The following UBE3D variants were observed in gnomAD, a reference collection of about 807,000 sequenced individuals.
UBE3D encodes the protein ubiquitin protein ligase E3D, also known as E3 ubiquitin-protein ligase E3D.
A neutral mutation model predicts 49.6 loss-of-function variants in UBE3D; 48 were observed. The observed-to-expected ratio is 0.97, with a 90% CI of 0.77 to 1.23. The LOEUF (loss-of-function observed/expected upper bound fraction) is 1.23, where lower values mean the gene tolerates loss of function less well. Among genes scored for constraint, UBE3D ranks in the 50% most tolerant of loss-of-function variants. UBE3D has a pLI of 0.00. For synonymous variants in UBE3D, 189 were observed against 174.2 expected (o/e 1.08, Z -0.67); for missense variants, 452 against 468.4 (o/e 0.96, Z 0.32).
rs545974427 is a variant in UBE3D, at chr6:82,894,737, T to C, written c.1150-1695A>G. ...GAGAGGCCAGTAGAGCCTGTTATAA[T>C]AGACAGAGGAAGGAAGACCAGAAGT... On this transcript the variant is annotated intron_variant, in intron 9 of 9. Coordinates refer to ENST00000369747, the MANE Select transcript of UBE3D (RefSeq NM_198920.3). 2.6e-5 allele frequency among the ~76,000 whole-genome samples: 4 copies of C among 152,210 alleles called. No homozygotes were observed. The South Asian group carries it at 8.3e-4, about 32-fold the overall frequency.
At chr6:83,046,097 C>G (rs1582736816) in intron 3 of UBE3D, among the ~76,000 whole-genome samples, 1 of 152,188 alleles carries the variant, frequency 6.6e-6, no homozygotes, top group Non-Finnish European at 1.5e-5. Flanking sequence ...CATATCAACA[C>G]AACTTAGTGA....
intron 9 of UBE3D, among the ~76,000 whole-genome samples, chr6:82,895,046 A>G (rs1771212208): frequency 6.6e-6 from 1 of 152,172 alleles, no homozygotes; most frequent in Non-Finnish European, 1.5e-5. Flanking sequence ...AGTGGCTCAC[A>G]GTGGCCTGTA....
At position 82,946,011 on chromosome 6, in the gene UBE3D, GA is replaced by G. The variant is rs561538308; in HGVS notation, c.1149+11300del. Among the ~76,000 whole-genome samples, 437 of 152,198 alleles carry G rather than the reference GA, an allele frequency of 2.9e-3. 4 individuals are homozygous for G. Among genetic ancestry groups the G allele is most frequent in the African/African-American group, 9.3e-3 (388 of 41,540 alleles). On this transcript the variant is annotated intron_variant, in intron 9 of 9. Coordinates refer to ENST00000369747, the MANE Select transcript of UBE3D (RefSeq NM_198920.3). The stretch of plus-strand genomic sequence containing the variant: ...GAATGAAGCATACATACAAGATCTA[GA>G]AAATAGCCTTCAAGGGGCAAATTTA...
chr6:82,890,078 A>G (rs1770953505), downstream of UBE3D, among the ~76,000 whole-genome samples: 1 of 152,090 alleles, frequency 6.6e-6, no homozygotes, highest in East Asian at 1.9e-4. Flanking sequence ...TACTGAATAG[A>G]TTGTGGAATT....
chr6:82,942,689 G>A lies in UBE3D; in HGVS notation c.1149+14623C>T, dbSNP rs376382054. Among the ~76,000 whole-genome samples the A allele has an allele frequency of 2.0e-5, 3 of 152,250 alleles. No individual in the cohort carries two copies. In the East Asian group the frequency reaches 5.8e-4, roughly 29 times the overall value. Reference sequence around the variant, plus strand: ...CTTACATGTGGTATTGGCCCTGTGAGTGCACAGTTGTCAAGAATTGAAGTT... The same window carrying A: ...CTTACATGTGGTATTGGCCCTGTGAATGCACAGTTGTCAAGAATTGAAGTT... On this transcript the variant is annotated intron_variant, in intron 9 of 9. Coordinates refer to ENST00000369747, the MANE Select transcript of UBE3D (RefSeq NM_198920.3).
At chr6:82,891,804 T>C (rs1405371931), downstream of UBE3D, among the ~76,000 whole-genome samples, 1 of 152,140 alleles carries the variant, frequency 6.6e-6, no homozygotes. Flanking sequence ...GGTGGGTGGA[T>C]CACCTGAGAT....
At chr6:83,027,892 T>C (rs1781594274) in intron 5 of UBE3D, among the ~76,000 whole-genome samples, 1 of 152,202 alleles carries the variant, frequency 6.6e-6, no homozygotes, top group South Asian at 2.1e-4. Flanking sequence ...GGAAGTCTGA[T>C]TAAACATACA....
At chr6:82,976,202 C>T (rs867411880) in intron 8 of UBE3D, among the ~76,000 whole-genome samples, 126 of 152,276 alleles carry the variant, frequency 8.3e-4, no homozygotes, top group Middle Eastern at 3.4e-3. Flanking sequence ...CTCAACCTAA[C>T]ATCCATTCAT....
intron 5 of UBE3D, among the ~76,000 whole-genome samples, chr6:83,025,620 C>T (rs1004852381): frequency 2.6e-4 from 40 of 152,048 alleles, no homozygotes; most frequent in African/African-American, 9.2e-4. Context: ...CAGTGACTCA[C>T]GCCTGTAATC....
At chr6:83,044,325 T>A in intron 4 of UBE3D, 103 bp downstream of exon 4, 1 of 1,128,512 alleles carries the variant, frequency 8.9e-7, no homozygotes, top group Non-Finnish European at 1.3e-6. Flanking sequence ...AATTTTGGCC[T>A]TTACAGCAGT....
chr6:82,881,629 G>C, the UBE3D span, among the ~76,000 whole-genome samples: 1 of 152,150 alleles, frequency 6.6e-6, no homozygotes, highest in Non-Finnish European at 1.5e-5. Flanking sequence ...ACAGTTTCCA[G>C]AGTATCTATC....
chr6:82,901,308 G>A (rs148150503), intron 9 of UBE3D, among the ~76,000 whole-genome samples: 1,570 of 152,172 alleles, frequency 0.01, 23 homozygotes, highest in African/African-American at 0.036. Flanking sequence ...CACCAGAGAG[G>A]AGCAGGGCTT....
chr6:82,994,499 A>G (rs770934527), intron 8 of UBE3D, among the ~76,000 whole-genome samples: 2 of 152,164 alleles, frequency 1.3e-5, no homozygotes, highest in African/African-American at 2.4e-5. Context: ...TTTAATACTA[A>G]TCCAAGGAGA....
chr6:82,982,802 C>T (rs551295706), intron 8 of UBE3D, among the ~76,000 whole-genome samples: 1 of 152,246 alleles, frequency 6.6e-6, no homozygotes, highest in East Asian at 1.9e-4. Context: ...CAATTCTACG[C>T]TGTTTTCATT....
At chr6:82,968,276 G>GCATTCTCCC (rs1479416962) in intron 8 of UBE3D, among the ~76,000 whole-genome samples, 2 of 151,902 alleles carry the variant, frequency 1.3e-5, no homozygotes, top group Non-Finnish European at 2.9e-5. Flanking sequence ...ATATTGTACT[G>GCATTCTCCC]CATTCTCCCC....
At chr6:82,984,082 T>C (rs1224178124) in intron 8 of UBE3D, among the ~76,000 whole-genome samples, 1 of 152,210 alleles carries the variant, frequency 6.6e-6, no homozygotes, top group East Asian at 1.9e-4. Context: ...CTGTCTTTTC[T>C]TCCTTCCTTT....
chr6:82,918,300 A>C (rs1329185672), intron 9 of UBE3D, among the ~76,000 whole-genome samples: 1 of 151,868 alleles, frequency 6.6e-6, no homozygotes, highest in Non-Finnish European at 1.5e-5. Flanking sequence ...CAAAAAAAAA[A>C]CAAAAAAATA....
chr6:82,999,314 C>T (rs1220491571), intron 8 of UBE3D, among the ~76,000 whole-genome samples: 2 of 152,162 alleles, frequency 1.3e-5, no homozygotes, highest in Non-Finnish European at 2.9e-5. Context: ...CCATCTTGTC[C>T]TGGAATCCTG....
At chr6:82,928,378 C>G (rs1773911673) in intron 9 of UBE3D, among the ~76,000 whole-genome samples, 1 of 152,056 alleles carries the variant, frequency 6.6e-6, no homozygotes, top group Non-Finnish European at 1.5e-5. Flanking sequence ...TAAAAAAGCA[C>G]AGGAATAGGC....
Sources: gnomAD v4.1 joint callset for allele counts (sites outside exome capture counted in the v4.1 genomes callset) on GRCh38, gnomAD v4.1.1 for gene constraint, MANE v1.5 for transcripts, NCBI Gene and HGNC (gene_info 2026-07-23, HGNC 2026-07-21) for gene names.